Variants in SYT1 observed in about 807,000 individuals in gnomAD.
SYT1 encodes synaptotagmin 1.
In SYT1, 8 loss-of-function variants were observed where a neutral mutation model predicts 44.8. The ratio of observed to expected loss-of-function variants is 0.18; its 90% CI spans 0.10 to 0.32. The LOEUF is 0.32. Ranked by LOEUF, SYT1 falls within the 10% of genes least tolerant of loss-of-function variation. The pLI, the probability that SYT1 is intolerant of heterozygous loss-of-function variation, is 1.00. For missense variants in SYT1, 286 were observed against 509.3 expected (o/e 0.56, Z 4.22); for synonymous variants, 154 against 188.8 (o/e 0.82, Z 1.51).
At chr12:79,065,077 T>A (rs1442359373) in intron 3 of SYT1, among the ~76,000 whole-genome samples, 1 of 151,946 alleles carries the variant, frequency 6.6e-6, no homozygotes, top group Non-Finnish European at 1.5e-5. Context: ...ACATTCCAAT[T>A]AGAAACTTAA....
chr12:79,361,940 G>C (rs1883330926), intron 9 of SYT1, among the ~76,000 whole-genome samples: 1 of 152,162 alleles, frequency 6.6e-6, no homozygotes. Context: ...GTATGATGTA[G>C]GAGTACAAAA....
At chr12:78,934,561 TAAC>T (rs975184961) in intron 1 of SYT1, among the ~76,000 whole-genome samples, 5 of 151,578 alleles carry the variant, frequency 3.3e-5, no homozygotes, top group African/African-American at 1.2e-4. Context: ...TAAAACGAAA[TAAC>T]AACAACAGAA....
At chr12:79,225,547 T>A (rs553647683) in intron 4 of SYT1, among the ~76,000 whole-genome samples, 1 of 152,314 alleles carries the variant, frequency 6.6e-6, no homozygotes, top group South Asian at 2.1e-4. Flanking sequence ...CTACCAGGCA[T>A]AAACCAAATA....
intron 2 of SYT1, among the ~76,000 whole-genome samples, chr12:79,011,943 C>A (rs1182255816): frequency 6.6e-6 from 1 of 151,958 alleles, no homozygotes; most frequent in South Asian, 2.1e-4. Context: ...ACCAGCCTGG[C>A]CAACATGGTG....
chr12:79,322,876 C>G (rs145667819), intron 8 of SYT1, among the ~76,000 whole-genome samples: 111 of 152,180 alleles, frequency 7.3e-4, no homozygotes, highest in Non-Finnish European at 1.4e-3. Flanking sequence ...CCAGTAAGAC[C>G]CTCCTGAAAG....
chr12:79,326,000 A>G (rs2138995832), intron 8 of SYT1, among the ~76,000 whole-genome samples: 1 of 152,312 alleles, frequency 6.6e-6, no homozygotes, highest in African/African-American at 2.4e-5. Context: ...AATACAGACC[A>G]TATTTATTGA....
chr12:79,087,558 A>G (rs1022605671), intron 3 of SYT1, among the ~76,000 whole-genome samples: 1 of 152,038 alleles, frequency 6.6e-6, no homozygotes, highest in Non-Finnish European at 1.5e-5. Context: ...GTCCTCAGAG[A>G]GTTCCTAGTC....
intron 1 of SYT1, among the ~76,000 whole-genome samples, chr12:78,870,072 T>A (rs1318483323): frequency 1.3e-5 from 2 of 152,102 alleles, no homozygotes; most frequent in Non-Finnish European, 2.9e-5. Context: ...GGAATTTCCA[T>A]GTAGAACGGG....
intron 1 of SYT1, among the ~76,000 whole-genome samples, chr12:78,943,098 G>A (rs1353470001): frequency 6.6e-6 from 1 of 152,064 alleles, no homozygotes; most frequent in Non-Finnish European, 1.5e-5. Flanking sequence ...CTTTTGTATA[G>A]AGCACAATAA....
At chr12:79,026,701 A>C (rs1020274458) in intron 2 of SYT1, among the ~76,000 whole-genome samples, 21 of 125,708 alleles carry the variant, frequency 1.7e-4, no homozygotes, top group Admixed American at 3.2e-4. Context: ...ATATATATAT[A>C]TCACACTTTC....
chr12:79,406,371 A>G (rs1434683369), intron 9 of SYT1, among the ~76,000 whole-genome samples: 1 of 152,060 alleles, frequency 6.6e-6, no homozygotes, highest in Non-Finnish European at 1.5e-5. Context: ...TCTGATTTCC[A>G]CCTTATTCTA....
intron 2 of SYT1, among the ~76,000 whole-genome samples, chr12:79,014,168 A>T (rs1007229380): frequency 2.0e-5 from 3 of 151,596 alleles, no homozygotes; most frequent in African/African-American, 7.3e-5. Context: ...GAAAAAGGAA[A>T]AGAAAATAAG....
At chr12:79,444,955 G>T (rs957649526) in intron 10 of SYT1, among the ~76,000 whole-genome samples, 1 of 151,774 alleles carries the variant, frequency 6.6e-6, no homozygotes, top group African/African-American at 2.4e-5. Context: ...AATAATTTTG[G>T]GCCATTTCTT....
rs566175647 is a variant in SYT1 at position 78,894,330 on chromosome 12, G to GTTTTTTTTTTTTTTTTTTTTT, written c.-217+29236_-217+29256dup. On this transcript the variant is annotated intron_variant, in intron 1 of 10. Transcript: ENST00000261205. The stretch of plus-strand genomic sequence containing the variant: ...AATTTATGATTGTGTTTTTTAATCT[G>GTTTTTTTTTTTTTTTTTTTTT]TTTTTTTTTTTTTTTTTTTTTTTTT... 5.8e-4 allele frequency among the ~76,000 whole-genome samples: 16 copies of GTTTTTTTTTTTTTTTTTTTTT among 27,732 alleles called. 6 individuals are homozygous for GTTTTTTTTTTTTTTTTTTTTT. Among genetic ancestry groups the GTTTTTTTTTTTTTTTTTTTTT allele is most frequent in the Admixed American group, 2.1e-3 (3 of 1,424 alleles). The allele number at this position is 27,732 out of a possible 152,430, so 18.2% of individuals were successfully genotyped here. A position where few individuals can be genotyped will look rare whatever the true frequency, so the allele number is the denominator to read the frequency against.
At chr12:79,245,255 G>C (rs1268915769) in intron 4 of SYT1, among the ~76,000 whole-genome samples, 1 of 150,574 alleles carries the variant, frequency 6.6e-6, no homozygotes, top group East Asian at 2.0e-4. Flanking sequence ...CACGAGGTGA[G>C]GAGATCCTGA....
chr12:78,923,186 C>T (rs534988766), intron 1 of SYT1, among the ~76,000 whole-genome samples: 1 of 152,090 alleles, frequency 6.6e-6, no homozygotes, highest in Non-Finnish European at 1.5e-5. Context: ...TTAGTAGCCA[C>T]ATTTGCCTTT....
intron 3 of SYT1, among the ~76,000 whole-genome samples, chr12:79,147,635 T>G (rs891581958): frequency 1.3e-5 from 2 of 152,138 alleles, no homozygotes; most frequent in African/African-American, 4.8e-5. Flanking sequence ...TTACAATACA[T>G]TCAGTACCAA....
intron 3 of SYT1, among the ~76,000 whole-genome samples, chr12:79,126,193 A>G (rs777013162): frequency 1.3e-5 from 2 of 152,248 alleles, no homozygotes; most frequent in South Asian, 2.1e-4. Context: ...TACATAGCTG[A>G]TATCTTGAGT....
intron 2 of SYT1, among the ~76,000 whole-genome samples, chr12:79,013,649 A>G (rs982260628): frequency 6.6e-6 from 1 of 152,180 alleles, no homozygotes; most frequent in Admixed American, 6.5e-5. Flanking sequence ...AAAATATCCA[A>G]TCCAGTCCAG....
Sources: gnomAD v4.1 joint callset for allele counts (sites outside exome capture counted in the v4.1 genomes callset) on GRCh38, gnomAD v4.1.1 for gene constraint, MANE v1.5 for transcripts, NCBI Gene and HGNC (gene_info 2026-07-23, HGNC 2026-07-21) for gene names.